The following NAT1 variants were observed in gnomAD, a reference collection of about 807,000 sequenced individuals.
NAT1 encodes the protein N-acetyltransferase 1, also known as arylamine N-acetyltransferase 1.
For missense variants in NAT1, 400 were observed against 339.2 expected, an observed-to-expected ratio of 1.18 and a Z score of -1.41; for synonymous variants, 144 against 122.6, an observed-to-expected ratio of 1.17 and a Z score of -1.16.
chr8:18,178,561 G>A (rs887268038), intron 2 of NAT1, among the ~76,000 whole-genome samples: 1 of 152,124 alleles, frequency 6.6e-6, no homozygotes, highest in Non-Finnish European at 1.5e-5. Flanking sequence ...ACAGTGCTCA[G>A]TGAGATGTGA....
At chr8:18,181,781 A>C (rs546078268) in intron 2 of NAT1, among the ~76,000 whole-genome samples, 10 of 152,266 alleles carry the variant, frequency 6.6e-5, no homozygotes, top group African/African-American at 1.9e-4. Context: ...ACATTTCACC[A>C]TGAAGGGACG....
intron 2 of NAT1, among the ~76,000 whole-genome samples, chr8:18,182,275 C>T (rs1003561848): frequency 6.6e-5 from 10 of 152,108 alleles, no homozygotes; most frequent in African/African-American, 2.2e-4. Context: ...ATTTTGCTCC[C>T]CATATTTGAA....
chr8:18,198,668 G>A (rs1803336736), intron 2 of NAT1, among the ~76,000 whole-genome samples: 1 of 152,120 alleles, frequency 6.6e-6, no homozygotes, highest in Admixed American at 6.5e-5. Context: ...ATATATTTAA[G>A]GTGTAACATG....
At chr8:18,216,914 C>G (rs2117386066) in intron 1 of NAT1, 1 of 1,551,156 alleles carries the variant, frequency 6.4e-7, no homozygotes, top group East Asian at 2.4e-5. Flanking sequence ...TACTCTTACA[C>G]AAGGAGGCAG....
chr8:18,196,055 A>G (rs1282367911), intron 2 of NAT1, among the ~76,000 whole-genome samples: 1 of 152,186 alleles, frequency 6.6e-6, no homozygotes. Flanking sequence ...TACAGAAAAA[A>G]AGCTTTGGAA....
intron 2 of NAT1, among the ~76,000 whole-genome samples, chr8:18,191,876 C>G (rs1803006059): frequency 6.6e-6 from 1 of 152,032 alleles, no homozygotes; most frequent in Non-Finnish European, 1.5e-5. Flanking sequence ...GACCTAAAAC[C>G]ATAAAAACCC....
At chr8:18,188,994 C>CAAAAAAAAAAAAAA (rs55636901) in intron 2 of NAT1, among the ~76,000 whole-genome samples, 42 of 82,988 alleles carry the variant, frequency 5.1e-4, no homozygotes, top group Non-Finnish European at 7.1e-4. Context: ...GACTCCGACT[C>CAAAAAAAAAAAAAA]AAAAAAAAAA....
At chr8:18,177,706 C>G (rs1426957603) in intron 2 of NAT1, among the ~76,000 whole-genome samples, 1 of 152,062 alleles carries the variant, frequency 6.6e-6, no homozygotes, top group Non-Finnish European at 1.5e-5. Flanking sequence ...TTCAGATTTG[C>G]TCATCATTTT....
In NAT1 at chr8:18,190,258, G is replaced by A. The variant is rs148973298; in HGVS notation, n.92+19519G>A. ...AGGCTACTGTTGTAAGTTTAATTAA[G>A]TGCTTCAGAACTTTTTCTGTTCACT... On this transcript the variant is annotated intron_variant and non_coding_transcript_variant, in intron 2 of 4. Transcript: ENST00000517441. 4.0e-3 allele frequency among the ~76,000 whole-genome samples: 602 copies of A among 152,306 alleles called. 1 individual carries two copies. The highest frequency in any genetic ancestry group is 5.4e-3 in the Non-Finnish European group (370 of 68,034).
chr8:18,203,952 T>C (rs1803588186), intron 2 of NAT1, among the ~76,000 whole-genome samples: 1 of 152,144 alleles, frequency 6.6e-6, no homozygotes, highest in Admixed American at 6.5e-5. Context: ...TCACCTGTAC[T>C]GTAAAGGAGC....
intron 2 of NAT1, 25 bp from the exon 3 acceptor site, chr8:18,222,017 C>G (rs767404312): frequency 6.4e-7 from 1 of 1,572,604 alleles, no homozygotes; most frequent in African/African-American, 1.4e-5. Flanking sequence ...AAATGATTTG[C>G]TTTCGTTTTG....
intron 2 of NAT1, among the ~76,000 whole-genome samples, chr8:18,174,212 G>A (rs942453375): frequency 2.6e-5 from 4 of 152,152 alleles, no homozygotes; most frequent in African/African-American, 9.7e-5. Context: ...GTTTCCCAGG[G>A]TGAGGGAAAA....
chr8:18,207,178 T>C (rs993232485), upstream of NAT1, among the ~76,000 whole-genome samples: 4 of 152,134 alleles, frequency 2.6e-5, no homozygotes, highest in African/African-American at 7.2e-5. Flanking sequence ...GATTAGATGA[T>C]TGTAGATGTG....
At chr8:18,195,675 C>G (rs1487935222) in intron 2 of NAT1, among the ~76,000 whole-genome samples, 1 of 152,094 alleles carries the variant, frequency 6.6e-6, no homozygotes, top group Non-Finnish European at 1.5e-5. Context: ...AATTTTAAAG[C>G]ACCACACGAT....
intron 2 of NAT1, among the ~76,000 whole-genome samples, chr8:18,189,749 T>A (rs558831432): frequency 6.6e-6 from 1 of 152,268 alleles, no homozygotes; most frequent in Non-Finnish European, 1.5e-5. Context: ...AGTCACAGAG[T>A]TCTGTGGTTG....
rs144086017 is a variant in NAT1 at position 18,204,653 on chromosome 8, T to C, written n.93-5128T>C. Among the ~76,000 whole-genome samples the C allele has an allele frequency of 5.7e-3, 864 of 152,340 alleles. 21 individuals are homozygous for C. The highest frequency in any genetic ancestry group is 0.042 in the East Asian group (217 of 5,192). On this transcript the variant is annotated intron_variant and non_coding_transcript_variant, in intron 2 of 4. Coordinates refer to the NAT1 transcript ENST00000517441. Reference sequence around the variant, plus strand: ...TGATTTTTATCTACGAATACAGATATAGACAGTTCAAAATTACTTCCCATG... The same window carrying C: ...TGATTTTTATCTACGAATACAGATACAGACAGTTCAAAATTACTTCCCATG...
At chr8:18,213,413 T>A (rs28359496) in intron 1 of NAT1, among the ~76,000 whole-genome samples, 1 of 152,312 alleles carries the variant, frequency 6.6e-6, no homozygotes, top group East Asian at 1.9e-4. Flanking sequence ...AATCTTTTCA[T>A]TGGCGGGCCA....
upstream of NAT1, among the ~76,000 whole-genome samples, chr8:18,205,240 C>T (rs1803658620): frequency 6.6e-6 from 1 of 152,166 alleles, no homozygotes; most frequent in African/African-American, 2.4e-5. Context: ...TGCCAGAGTG[C>T]CTGCCTCCCT....
intron 2 of NAT1, among the ~76,000 whole-genome samples, chr8:18,182,922 A>C (rs1589057988): frequency 1.3e-5 from 2 of 152,280 alleles, no homozygotes; most frequent in East Asian, 3.9e-4. Flanking sequence ...TTTCTGCATA[A>C]AGATCTTATG....
Sources: gnomAD v4.1 joint callset for allele counts (sites outside exome capture counted in the v4.1 genomes callset) on GRCh38, gnomAD v4.1.1 for gene constraint, MANE v1.5 for transcripts, NCBI Gene and HGNC (gene_info 2026-07-23, HGNC 2026-07-21) for gene names.